PSTPIP1: variants seen among roughly 807,000 people sequenced by gnomAD.
PSTPIP1 encodes the protein proline-serine-threonine phosphatase interacting protein 1.
Under a neutral mutation model 69.6 loss-of-function variants are expected in PSTPIP1, and 66 were observed. The ratio of observed to expected loss-of-function variants is 0.95; its 90% CI spans 0.78 to 1.16. PSTPIP1 has a LOEUF of 1.16. PSTPIP1 is among the 50% of genes most tolerant of loss of function. PSTPIP1 has a pLI of 0.00. For missense variants in PSTPIP1, 603 were observed against 557.4 expected, an observed-to-expected ratio of 1.08 and a Z score of -0.82; for synonymous variants, 266 against 222.7, an observed-to-expected ratio of 1.19 and a Z score of -1.73.
At chr15:77,014,669 G>A (rs1487849004) in intron 1 of PSTPIP1, among the ~76,000 whole-genome samples, 3 of 152,218 alleles carry the variant, frequency 2.0e-5, no homozygotes, top group East Asian at 1.9e-4. Flanking sequence ...AGTGGCGGTA[G>A]TTACAGAGGG....
intron 7 of PSTPIP1, 77 bp from the exon 8 acceptor site, chr15:77,029,452 A>G: frequency 2.0e-6 from 3 of 1,509,478 alleles, no homozygotes; most frequent in African/African-American, 2.8e-5. Context: ...GAAGCTTGAC[A>G]GTCACTTCAG....
intron 3 of PSTPIP1, among the ~76,000 whole-genome samples, chr15:77,018,950 G>A (rs1045406969): frequency 3.9e-5 from 6 of 152,176 alleles, no homozygotes; most frequent in African/African-American, 1.2e-4. Context: ...CCTGGGTTCC[G>A]GTGTCAGCTC....
chr15:77,000,511 A>G (rs1211474637), intron 1 of PSTPIP1, among the ~76,000 whole-genome samples: 1 of 151,842 alleles, frequency 6.6e-6, no homozygotes, highest in Non-Finnish European at 1.5e-5. Context: ...ACATACACAC[A>G]CACACTTTCT....
chr15:76,994,726 G>C, upstream of PSTPIP1: 4 of 1,285,632 alleles, frequency 3.1e-6, no homozygotes, highest in Non-Finnish European at 4.1e-6. Context: ...AGCTGTGTCT[G>C]CTCCCAGACT....
At chr15:77,014,526 G>T (rs2076011037) in intron 1 of PSTPIP1, among the ~76,000 whole-genome samples, 2 of 152,346 alleles carry the variant, frequency 1.3e-5, no homozygotes, top group South Asian at 4.1e-4. Context: ...GGGCCCGAAA[G>T]GGGGTTAGCC....
rs770215969 is a variant in PSTPIP1, at chr15:77,032,362, T to A, written c.806T>A (p.Ile269Asn). 6.2e-7 allele frequency: 1 copy of A among 1,612,650 alleles called. No individual in the cohort carries two copies. Among genetic ancestry groups the A allele is most frequent in the Admixed American group, 1.7e-5 (1 of 60,028 alleles). The change falls in exon 11 of 15, where the codon ATC becomes AAC. Residue 269 changes from isoleucine (I) to asparagine (N), a missense_variant. Coordinates refer to ENST00000558012, the MANE Select transcript of PSTPIP1 (RefSeq NM_003978.5). ...CSIDADIDSFIQAKSTGTEPP... is the reference protein window; with the variant it reads ...CSIDADIDSFNQAKSTGTEPP... ...ATAGACGCCGACATCGACAGTTTCATCCAGGCCAAGAGCACGGGCACAGAG... is the reference window on the plus strand; with the variant it reads ...ATAGACGCCGACATCGACAGTTTCAACCAGGCCAAGAGCACGGGCACAGAG...
chr15:77,030,869 G>A lies in PSTPIP1; in HGVS notation c.642+288G>A, dbSNP rs534445257. Among the ~76,000 whole-genome samples, 5 of 152,336 alleles carry A rather than the reference G, an allele frequency of 3.3e-5. No homozygotes were observed. The East Asian group carries it at 5.8e-4, about 18-fold the overall frequency. Reference sequence around the variant, plus strand: ...ACCCACAGCCTCTCTGGGTGCTGCCGATGGACAGGGCCTGGGGAACAGGGC... The same window carrying A: ...ACCCACAGCCTCTCTGGGTGCTGCCAATGGACAGGGCCTGGGGAACAGGGC... On this transcript the variant is annotated intron_variant, in intron 9 of 14. Transcript: ENST00000558012.
chr15:77,037,074 A>T lies in PSTPIP1; in HGVS notation c.1149A>T (p.Gly383=). Residue 383 remains glycine (G), a synonymous_variant, in exon 15 of 15, where the codon GGA becomes GGT. Coordinates refer to ENST00000558012, the MANE Select transcript of PSTPIP1 (RefSeq NM_003978.5). ...QNPDELDLSA[G]DILEVILEGE... ...CAGATGAGCTGGACCTGTCCGCGGG[A>T]GACATCCTGGAGGTGATCCTGGAAG... 6.2e-7 allele frequency: 1 copy of T among 1,612,222 alleles called. No individual in the cohort carries two copies. Among genetic ancestry groups the T allele is most frequent in the Non-Finnish European group, 8.5e-7 (1 of 1,179,636 alleles).
chr15:77,031,851 C>T lies in PSTPIP1; in HGVS notation c.742-447C>T, dbSNP rs554250364. The T allele has an allele frequency of 3.3e-3, 593 of 179,546 alleles. 1 individual carries two copies. The highest frequency in any genetic ancestry group is 5.8e-3 in the Admixed American group (101 of 17,552). 11.1% of individuals were successfully genotyped at this position (179,546 alleles called of 1,614,324 possible). ...CTTGCCTGCTGTGTTTCCTGCCTGA[C>T]GCTCCTGTCCGGGGCTGTGGGGGTT... On this transcript the variant is annotated intron_variant, in intron 10 of 14. Coordinates refer to ENST00000558012, the MANE Select transcript of PSTPIP1 (RefSeq NM_003978.5).
chr15:77,027,932 G>C lies in PSTPIP1; in HGVS notation c.417+18G>C, dbSNP rs1596111786. On this transcript the variant is annotated intron_variant, in intron 6 of 14. Coordinates refer to ENST00000558012, the MANE Select transcript of PSTPIP1 (RefSeq NM_003978.5). The surrounding 1 kb of genome is among the most constrained non-coding windows in gnomAD (Gnocchi z 4.3). ...CCATGGAGGTGAGCGCCAGGGCCTGGGGCCGCGGCCTTCCCTCGAGGAGCA... is the reference window on the plus strand; with the variant it reads ...CCATGGAGGTGAGCGCCAGGGCCTGCGGCCGCGGCCTTCCCTCGAGGAGCA... 6.5e-7 allele frequency: 1 copy of C among 1,545,850 alleles called. No individual in the cohort carries two copies. The highest frequency in any genetic ancestry group is 8.8e-7 in the Non-Finnish European group (1 of 1,141,644).
At chr15:77,030,931 C>A (rs1191300489) in intron 9 of PSTPIP1, among the ~76,000 whole-genome samples, 2 of 152,258 alleles carry the variant, frequency 1.3e-5, no homozygotes, top group African/African-American at 4.8e-5. Flanking sequence ...CACTACCCTT[C>A]TGCCTCGGTG....
In PSTPIP1 at chr15:77,037,110, C is replaced by T; in HGVS notation, c.1185C>T (p.Gly395=). The T allele has an allele frequency of 6.2e-7, 1 of 1,612,352 alleles. No homozygotes were observed. Among genetic ancestry groups the T allele is most frequent in the Non-Finnish European group, 8.5e-7 (1 of 1,179,700 alleles). ...ILEVILEGED[G]WWTVERNGQR... ...AGGTGATCCTGGAAGGGGAGGATGG[C>T]TGGTGGACTGTGGAGAGGAACGGGC... The change falls in exon 15 of 15, where the codon GGC becomes GGT. Residue 395 remains glycine, a synonymous_variant. Transcript: ENST00000558012.
At chr15:77,026,164 T>C (rs1224969887) in intron 5 of PSTPIP1, 1 of 455,810 alleles carries the variant, frequency 2.2e-6, no homozygotes, top group Non-Finnish European at 4.4e-6. Flanking sequence ...GAAGTCCCCA[T>C]CATGGGAGGT....
At chr15:77,026,444 T>C (rs112012370) in intron 5 of PSTPIP1, among the ~76,000 whole-genome samples, 2,866 of 152,256 alleles carry the variant, frequency 0.019, 97 homozygotes, top group African/African-American at 0.062. Flanking sequence ...AACTGAGCCT[T>C]GAAGGGGAAG....
At chr15:77,017,678 A>G (rs971068359) in intron 1 of PSTPIP1, among the ~76,000 whole-genome samples, 1 of 152,210 alleles carries the variant, frequency 6.6e-6, no homozygotes, top group East Asian at 1.9e-4. Context: ...CTGGGGTTCA[A>G]GGCCAGGCCA....
rs137965147 is a variant in PSTPIP1, at chr15:77,000,291, T to C, written c.36+4682T>C. The stretch of plus-strand genomic sequence containing the variant: ...GCCTTTTCCCTTCCCAGTTCTGAGA[T>C]GCTGAGGTGCCCATTTATGAGGCTA... On this transcript the variant is annotated intron_variant, in intron 1 of 14. Coordinates refer to ENST00000558012, the MANE Select transcript of PSTPIP1 (RefSeq NM_003978.5). 2.9e-3 allele frequency among the ~76,000 whole-genome samples: 440 copies of C among 152,206 alleles called. 1 individual carries two copies. Among genetic ancestry groups the C allele is most frequent in the Non-Finnish European group, 3.7e-3 (254 of 68,002 alleles).
At chr15:77,000,028 G>C (rs1197659913) in intron 1 of PSTPIP1, among the ~76,000 whole-genome samples, 1 of 152,228 alleles carries the variant, frequency 6.6e-6, no homozygotes, top group Non-Finnish European at 1.5e-5. Flanking sequence ...ACCACCAAGG[G>C]GGTATGGGGA....
At chr15:77,028,100 C>G (rs1011953438) in intron 6 of PSTPIP1, among the ~76,000 whole-genome samples, 186 bp downstream of exon 6, 3 of 152,016 alleles carry the variant, frequency 2.0e-5, no homozygotes, top group Admixed American at 2.0e-4. Context: ...GCTATGGCCC[C>G]GTGGGGATGG....
At position 77,037,294 on chromosome 15, in the gene PSTPIP1, TGTC is replaced by T; in HGVS notation, c.*122_*124del. 1.5e-6 allele frequency: 2 copies of T among 1,344,260 alleles called. No individual in the cohort carries two copies. The highest frequency in any genetic ancestry group is 2.0e-6 in the Non-Finnish European group (2 of 997,592). 83.3% of individuals were successfully genotyped at this position (1,344,260 alleles called of 1,614,324 possible). A position where few individuals can be genotyped will look rare whatever the true frequency, so the allele number is the denominator to read the frequency against. On this transcript the variant is annotated 3_prime_UTR_variant, in exon 15 of 15. Coordinates refer to ENST00000558012, the MANE Select transcript of PSTPIP1 (RefSeq NM_003978.5). ...CGTCCCCCAGCCCCGAGAGGGAGCC[TGTC>T]GTCTCCCAGGGAATAAAGGAGTGCG...
Sources: allele counts gnomAD v4.1 joint callset (sites outside exome capture counted in the v4.1 genomes callset), GRCh38; gene constraint gnomAD v4.1.1; non-coding constraint Gnocchi (gnomAD v3.1); transcripts MANE v1.5; gene names NCBI Gene and HGNC (gene_info 2026-07-23, HGNC 2026-07-21).